CCDC190: variants seen among roughly 807,000 people sequenced by gnomAD.
CCDC190 encodes coiled-coil domain-containing protein 190.
Under a neutral mutation model 13.1 loss-of-function variants are expected in CCDC190, and 10 were observed. That is an observed-to-expected ratio of 0.77 (90% CI 0.47 to 1.30). The LOEUF is 1.30. Ranked by LOEUF, CCDC190 falls within the 50% of genes most tolerant of loss-of-function variation. CCDC190 has a pLI of 0.00. For synonymous variants in CCDC190, 136 were observed against 127.2 expected, an observed-to-expected ratio of 1.07 and a Z score of -0.47; for missense variants, 375 against 354.3, an observed-to-expected ratio of 1.06 and a Z score of -0.47.
chr1:162,865,875 T>C (rs10917619), upstream of CCDC190, among the ~76,000 whole-genome samples: 122,733 of 152,100 alleles, frequency 0.81, 51,759 homozygotes, highest in Non-Finnish European at 0.94. Context: ...TACTATTGTA[T>C]TAGAGGACTT....
chr1:162,864,834 A>C (rs929941739), upstream of CCDC190, among the ~76,000 whole-genome samples: 5 of 152,210 alleles, frequency 3.3e-5, no homozygotes, highest in Middle Eastern at 3.4e-3. Context: ...AAGAGGAAAT[A>C]AAAGAACAAT....
At position 162,861,135 on chromosome 1, in the gene CCDC190, G is replaced by A. The variant is rs1650496435; in HGVS notation, c.-140C>T. 2.2e-6 allele frequency: 1 copy of A among 460,112 alleles called. No individual in the cohort carries two copies. Among genetic ancestry groups the A allele is most frequent in the African/African-American group, 2.1e-5 (1 of 47,114 alleles). 28.5% of individuals were successfully genotyped at this position (460,112 alleles called of 1,614,324 possible). A position where few individuals can be genotyped will look rare whatever the true frequency, so the allele number is the denominator to read the frequency against. On this transcript the variant is annotated 5_prime_UTR_variant, in exon 1 of 4. Transcript: ENST00000367912. ...GTTTGGTGTTTGGAGAAAGGATAGAGGGAGACCATTGGAGAGGGCTGCGAG... is the reference window on the plus strand; with the variant it reads ...GTTTGGTGTTTGGAGAAAGGATAGAAGGAGACCATTGGAGAGGGCTGCGAG...
chr1:162,862,209 C>G (rs144273811), upstream of CCDC190, among the ~76,000 whole-genome samples: 2 of 152,214 alleles, frequency 1.3e-5, no homozygotes, highest in African/African-American at 4.8e-5. Context: ...CCCTTTGTTG[C>G]CACTATAGCT....
Position 162,855,621 on chromosome 1 carries a change from C to A in CCDC190, c.311+11G>T. The A allele has an allele frequency of 6.2e-7, 1 of 1,612,796 alleles. No individual in the cohort carries two copies. The highest frequency in any genetic ancestry group is 8.5e-7 in the Non-Finnish European group (1 of 1,179,486). ...ATGTCATACCCATGGGTTTAGTAAT[C>A]CATTTCTTACCTCATTTTCTTAGCC... On this transcript the variant is annotated intron_variant, in intron 3 of 3. Coordinates refer to ENST00000367912, the MANE Select transcript of CCDC190 (RefSeq NM_001394065.1).
chr1:162,861,370 T>C (rs970710805), upstream of CCDC190, among the ~76,000 whole-genome samples: 55 of 152,118 alleles, frequency 3.6e-4, no homozygotes, highest in African/African-American at 1.3e-3. Context: ...GAGCCAGGAA[T>C]GAAAGCAAGG....
rs531603149 is a variant in CCDC190, at chr1:162,852,556, T to C, written c.*2209A>G. On this transcript the variant is annotated 3_prime_UTR_variant, in exon 4 of 4. Coordinates refer to ENST00000367912, the MANE Select transcript of CCDC190 (RefSeq NM_001394065.1). ...AGATAAAATCTAGGTGGTTAGAAGA[T>C]TTTTAAATGTATAATTTTTTGGCGA... 6.5e-6 allele frequency: 1 copy of C among 152,932 alleles called. No homozygotes were observed. The highest frequency in any genetic ancestry group is 2.4e-5 in the African/African-American group (1 of 41,578). 9.5% of individuals were successfully genotyped at this position (152,932 alleles called of 1,614,324 possible). A position where few individuals can be genotyped will look rare whatever the true frequency, so the allele number is the denominator to read the frequency against.
rs564568066 is a variant in CCDC190, at chr1:162,852,414, G to A, written c.*2351C>T. The A allele has an allele frequency of 1.3e-5, 2 of 152,364 alleles. No individual in the cohort carries two copies. The highest frequency in any genetic ancestry group is 4.1e-4 in the South Asian group (2 of 4,826). The allele number at this position is 152,364 out of a possible 1,614,324, so 9.4% of individuals were successfully genotyped here. On this transcript the variant is annotated 3_prime_UTR_variant, in exon 4 of 4. Transcript: ENST00000367912. ...ATTTAAACTGTTTAGAATTTAATGA[G>A]TTACACAAGAAAGGTTCCATGCAGC...
At chr1:162,859,952 A>C (rs969248248) in intron 1 of CCDC190, among the ~76,000 whole-genome samples, 1 of 151,922 alleles carries the variant, frequency 6.6e-6, no homozygotes. Context: ...AAGTGTAAGA[A>C]CAACTCTTTG....
Position 162,854,113 on chromosome 1 carries a change from ATTAAAAGTTTTTTAAATCC to A in CCDC190, c.*633_*651del. ...GCATTTGACAGCATGTTGGGAGATG[ATTAAAAGTTTTTTAAATCC>A]TTTGATTCTAGAAGATATGAGAGGG... is the stretch of plus-strand genomic sequence containing the variant. On this transcript the variant is annotated 3_prime_UTR_variant, in exon 4 of 4. Coordinates refer to ENST00000367912, the MANE Select transcript of CCDC190 (RefSeq NM_001394065.1). 1 of 583,278 alleles carries A rather than the reference ATTAAAAGTTTTTTAAATCC, an allele frequency of 1.7e-6. No homozygotes were observed. Among genetic ancestry groups the A allele is most frequent in the Non-Finnish European group, 2.2e-6 (1 of 462,922 alleles). 36.1% of individuals were successfully genotyped at this position (583,278 alleles called of 1,614,324 possible). A position where few individuals can be genotyped will look rare whatever the true frequency, so the allele number is the denominator to read the frequency against.
upstream of CCDC190, among the ~76,000 whole-genome samples, chr1:162,861,720 T>G (rs754463714): frequency 6.6e-6 from 1 of 152,192 alleles, no homozygotes; most frequent in Admixed American, 6.5e-5. Context: ...TGTGCCCATA[T>G]TTTGAACAGC....
rs1650110481 is a variant in CCDC190, at chr1:162,851,598, TG to T, written c.*3166del. On this transcript the variant is annotated 3_prime_UTR_variant, in exon 4 of 4. Transcript: ENST00000367912. ...TCCAGAGAGACTGAGCCTCTACTTCTGGGAGTTTCCAGCTGCCTCTGCCTGT... is the reference window on the plus strand; with the variant it reads ...TCCAGAGAGACTGAGCCTCTACTTCTGGAGTTTCCAGCTGCCTCTGCCTGT... The T allele has an allele frequency of 6.6e-6, 1 of 152,138 alleles. No individual in the cohort carries two copies. Among genetic ancestry groups the T allele is most frequent in the Non-Finnish European group, 1.5e-5 (1 of 68,034 alleles). 9.4% of individuals were successfully genotyped at this position (152,138 alleles called of 1,614,324 possible).
At chr1:162,864,401 T>C (rs1378750903), upstream of CCDC190, among the ~76,000 whole-genome samples, 1 of 152,104 alleles carries the variant, frequency 6.6e-6, no homozygotes, top group Non-Finnish European at 1.5e-5. Flanking sequence ...AAAGAAAAAT[T>C]ATACCAGATG....
intron 1 of CCDC190, among the ~76,000 whole-genome samples, chr1:162,868,219 T>C (rs1030584410): frequency 2.6e-5 from 4 of 152,130 alleles, no homozygotes; most frequent in African/African-American, 9.7e-5. Context: ...AGGACTAAGA[T>C]ACAAGAAGGA....
At position 162,859,719 on chromosome 1, in the gene CCDC190, G is replaced by T. The variant is rs1571045287; in HGVS notation, c.-12-61C>A. The T allele has an allele frequency of 2.9e-6, 4 of 1,382,186 alleles. No homozygotes were observed. In the Admixed American group the frequency reaches 7.0e-5, roughly 24 times the overall value. 85.6% of individuals were successfully genotyped at this position (1,382,186 alleles called of 1,614,324 possible). ...ATGGAAGACTGGGATACTGACCCCG[G>T]CTTTTAATCAGAGATCAGTGGTAGA... On this transcript the variant is annotated intron_variant, in intron 1 of 3. Transcript: ENST00000367912.
chr1:162,859,513 A>G lies in CCDC190; in HGVS notation c.134T>C (p.Leu45Ser). 6.2e-7 allele frequency: 1 copy of G among 1,613,794 alleles called. No homozygotes were observed. Among genetic ancestry groups the G allele is most frequent in the Non-Finnish European group, 8.5e-7 (1 of 1,179,816 alleles). The change falls in exon 2 of 4, where the codon TTG becomes TCG. Residue 45 changes from leucine to serine, a missense_variant. Physicochemically the swap from Leu to Ser is moderately radical, Grantham distance 145. Coordinates refer to ENST00000367912, the MANE Select transcript of CCDC190 (RefSeq NM_001394065.1). Reference sequence around the variant, plus strand: ...GAGCTGCCTCTGCTCCCAGGTCAGCAATTTCACATGGTAGAGGCAAATAAC... The same window carrying G: ...GAGCTGCCTCTGCTCCCAGGTCAGCGATTTCACATGGTAGAGGCAAATAAC... ...LKVICLYHVK[L>S]LTWEQRQLQK...
At position 162,859,444 on chromosome 1, in the gene CCDC190, G is replaced by T. The variant is rs528352886; in HGVS notation, c.187+16C>A. The T allele has an allele frequency of 3.1e-6, 5 of 1,609,332 alleles. No individual in the cohort carries two copies. The Admixed American group carries it at 8.4e-5, about 27-fold the overall frequency. On this transcript the variant is annotated intron_variant, in intron 2 of 3. Transcript: ENST00000367912. ...TGCCTCTGGGGCATCCTCCTCACCA[G>T]TCCTGAAAGTCTTACCTTGCTGCAA...
At chr1:162,857,575 T>C (rs1349248179) in intron 2 of CCDC190, among the ~76,000 whole-genome samples, 5 of 152,208 alleles carry the variant, frequency 3.3e-5, no homozygotes, top group Non-Finnish European at 7.3e-5. Context: ...CTATTCCTTC[T>C]GCTGGGAGTG....
chr1:162,856,075 G>A (rs938991657), intron 2 of CCDC190: 1 of 181,236 alleles, frequency 5.5e-6, no homozygotes, highest in African/African-American at 2.4e-5. Flanking sequence ...GAACCAGCAT[G>A]TTTGACATAT....
At chr1:162,855,508 A>G in intron 3 of CCDC190, 124 bp downstream of exon 3, 1 of 1,492,270 alleles carries the variant, frequency 6.7e-7, no homozygotes, top group Non-Finnish European at 9.0e-7. Flanking sequence ...AGTAGTAACA[A>G]TGCAGGGAAA....
Sources: gnomAD v4.1 joint callset for allele counts (sites outside exome capture counted in the v4.1 genomes callset) on GRCh38, gnomAD v4.1.1 for gene constraint, MANE v1.5 for transcripts, NCBI Gene and HGNC (gene_info 2026-07-23, HGNC 2026-07-21) for gene names.